The following SHKBP1 variants were observed in gnomAD, a reference collection of about 807,000 sequenced individuals.
The protein encoded by SHKBP1 is SH3KBP1 binding protein 1.
In SHKBP1, 71 loss-of-function variants were observed where a neutral mutation model predicts 83.9. That is an observed-to-expected ratio of 0.85 (90% CI 0.70 to 1.03). SHKBP1 has a LOEUF of 1.03. Among genes scored for constraint, SHKBP1 ranks in the 50% least tolerant of loss-of-function variants. SHKBP1 has a pLI of 0.00. For synonymous variants in SHKBP1, 371 were observed against 398.0 expected (o/e 0.93, Z 0.81); for missense variants, 824 against 982.4 (o/e 0.84, Z 2.16).
Position 40,590,829 on chromosome 19 carries a change from C to G in SHKBP1, c.1868C>G (p.Pro623Arg), listed in dbSNP as rs1345676321. ...SAPSWGCLPS[P>R]SPRISLTSLH... ...CCCTCATGGGGCTGTCTCCCCAGCC[C>G]CTCACCCCGCATCTCCCTCACCAGG... The change falls in exon 17 of 18, where the codon CCC (proline) becomes CGC (arginine). Residue 623 changes from proline to arginine, a missense_variant. Around this residue, in one of 3 missense-constraint regions of SHKBP1, gnomAD observed 287 missense variants for 322.9 expected, o/e 0.89. Coordinates refer to ENST00000291842, the MANE Select transcript of SHKBP1 (RefSeq NM_138392.4). The surrounding 1 kb of genome is among the most constrained non-coding windows in gnomAD (Gnocchi z 4.6). The G allele has an allele frequency of 6.3e-7, 1 of 1,590,348 alleles. No homozygotes were observed.
rs10408716 is a variant in SHKBP1, at chr19:40,585,262, C to T, written c.1166-1512C>T. Among the ~76,000 whole-genome samples the T allele has an allele frequency of 4.3e-3, 652 of 152,220 alleles. 4 individuals carry two copies. The highest frequency in any genetic ancestry group is 0.015 in the African/African-American group (634 of 41,526). On this transcript the variant is annotated intron_variant, in intron 12 of 17. Coordinates refer to ENST00000291842, the MANE Select transcript of SHKBP1 (RefSeq NM_138392.4). Reference sequence around the variant, plus strand: ...GCAGAACCACAGGCATGCATCACCACACCTGTCTAATTTTTGTATTTTTTT... The same window carrying T: ...GCAGAACCACAGGCATGCATCACCATACCTGTCTAATTTTTGTATTTTTTT...
intron 12 of SHKBP1, among the ~76,000 whole-genome samples, chr19:40,585,121 A>G (rs1001791352): frequency 1.5e-4 from 22 of 151,184 alleles, no homozygotes; most frequent in African/African-American, 5.3e-4. Flanking sequence ...TTTAAAAAAA[A>G]ATAGAGACAG....
chr19:40,589,394 G>A (rs76000727), intron 15 of SHKBP1, among the ~76,000 whole-genome samples: 8,645 of 146,916 alleles, frequency 0.059, 388 homozygotes, highest in Middle Eastern at 0.13. Context: ...CTGACCTGGC[G>A]CAGTGCCAGC....
chr19:40,586,607 T>C, intron 12 of SHKBP1, 167 bp from the exon 13 acceptor site: 1 of 569,084 alleles, frequency 1.8e-6, no homozygotes, highest in Non-Finnish European at 2.7e-6. Context: ...CCTCAAGCGA[T>C]CCACCCGCCT....
chr19:40,591,368 C>A lies in SHKBP1; in HGVS notation c.*161C>A. On this transcript the variant is annotated 3_prime_UTR_variant, in exon 18 of 18. Coordinates refer to ENST00000291842, the MANE Select transcript of SHKBP1 (RefSeq NM_138392.4). ...TTCCCTCTTTTCTGGAAGCCAAAGT[C>A]ACCCTCCCCAATAAAGTCCTCACTG... is the stretch of plus-strand genomic sequence containing the variant. The A allele has an allele frequency of 3.3e-6, 2 of 607,044 alleles. No homozygotes were observed. Among genetic ancestry groups the A allele is most frequent in the Non-Finnish European group, 2.7e-6 (1 of 369,554 alleles). 37.6% of individuals were successfully genotyped at this position (607,044 alleles called of 1,614,324 possible). A position where few individuals can be genotyped will look rare whatever the true frequency, so the allele number is the denominator to read the frequency against.
At chr19:40,577,076 A>C (rs906315928) in intron 1 of SHKBP1, 91 bp downstream of exon 1, 5 of 1,205,364 alleles carry the variant, frequency 4.1e-6, no homozygotes, top group Non-Finnish European at 4.6e-6. Context: ...CTGTCCATCA[A>C]GGGTTGCTCC....
In SHKBP1 at chr19:40,586,855, T is replaced by G. The variant is rs750207030; in HGVS notation, c.1247T>G (p.Val416Gly). 29 of 1,612,976 alleles carry G rather than the reference T, an allele frequency of 1.8e-5. 3 individuals are homozygous for G. Residue 416 changes from valine (V) to glycine (G), a missense_variant, in exon 13 of 18, where the codon GTG becomes GGG. By Grantham distance (109) the Val-to-Gly change is moderately radical. Around this residue, in one of 3 missense-constraint regions of SHKBP1, gnomAD observed 182 missense variants for 273.1 expected, o/e 0.67. Coordinates refer to ENST00000291842, the MANE Select transcript of SHKBP1 (RefSeq NM_138392.4). ...VRVIVQHPET[V>G]GSGPQLFQTF... is the part of the protein sequence containing the mutation. ...GTCATCGTGCAGCACCCGGAGACTG[T>G]GGGCTCGGGGCCTCAGCTCTTCCAG...
chr19:40,587,204 A>G (rs561668696), intron 13 of SHKBP1, among the ~76,000 whole-genome samples: 18 of 152,322 alleles, frequency 1.2e-4, no homozygotes, highest in East Asian at 7.7e-4. Flanking sequence ...TGTGCCAGGC[A>G]TAGGGGATAC....
In SHKBP1 at chr19:40,591,060, TGGG is replaced by T. The variant is rs777537930; in HGVS notation, c.1980_1982del (p.Gly661del). 1 of 1,612,878 alleles carries T rather than the reference TGGG, an allele frequency of 6.2e-7. No homozygotes were observed. The highest frequency in any genetic ancestry group is 2.2e-5 in the East Asian group (1 of 44,834). On this transcript the variant is annotated inframe_deletion, in exon 18 of 18. Coordinates refer to ENST00000291842, the MANE Select transcript of SHKBP1 (RefSeq NM_138392.4). Reference sequence around the variant, plus strand: ...CGCAGGCTGAGGCCCGGCGCCGTGGTGGGGGCAGCTTTGTGGAACGCTGCCAGG... The same window carrying T: ...CGCAGGCTGAGGCCCGGCGCCGTGGTGGCAGCTTTGTGGAACGCTGCCAGG...
At chr19:40,588,300 G>A (rs1033700780) in intron 13 of SHKBP1, among the ~76,000 whole-genome samples, 5 of 152,292 alleles carry the variant, frequency 3.3e-5, no homozygotes, top group African/African-American at 9.6e-5. Flanking sequence ...CTGGCTGCCC[G>A]TGGGAGCACA....
chr19:40,590,335 C>G lies in SHKBP1; in HGVS notation c.1681C>G (p.Arg561Gly), dbSNP rs373471246. Residue 561 changes from arginine (R) to glycine (G), a missense_variant, in exon 16 of 18, where the codon CGG (arginine) becomes GGG (glycine). Around this residue, in one of 3 missense-constraint regions of SHKBP1, gnomAD observed 287 missense variants for 322.9 expected, o/e 0.89. Transcript: ENST00000291842. This position sits in a 1 kb window ranked among gnomAD's most constrained non-coding sequence, Gnocchi z 4.6. ...CTCCCGGCGGCTCGGCTCTCGGCCC[C>G]GGCGCTACCTGCTCACTGGCCAGGC... ...EGSRRLGSRP[R>G]RYLLTGQANG... 6.2e-6 allele frequency: 10 copies of G among 1,611,512 alleles called. No individual in the cohort carries two copies. In the African/African-American group the frequency reaches 1.2e-4, roughly 19 times the overall value.
intron 10 of SHKBP1, among the ~76,000 whole-genome samples, chr19:40,583,151 A>G (rs992268934): frequency 9.9e-5 from 15 of 152,146 alleles, no homozygotes; most frequent in Non-Finnish European, 4.4e-5. Flanking sequence ...TCTACAAAAA[A>G]TTTAAAAAAT....
At chr19:40,588,866 T>C in intron 14 of SHKBP1, 87 bp downstream of exon 14, 1 of 1,528,518 alleles carries the variant, frequency 6.5e-7, no homozygotes, top group South Asian at 1.2e-5. Flanking sequence ...TGCGGCCACC[T>C]GACCCAGGAG....
intron 1 of SHKBP1, 42 bp downstream of exon 1, chr19:40,577,027 G>A: frequency 7.2e-7 from 1 of 1,383,670 alleles, no homozygotes. Flanking sequence ...TCGGGGGCGG[G>A]AAGCGGGGTG....
At chr19:40,577,740 A>G in intron 4 of SHKBP1, 110 bp downstream of exon 4, 1 of 1,380,688 alleles carries the variant, frequency 7.2e-7, no homozygotes, top group Non-Finnish European at 1.0e-6. Context: ...ATTCTCATTC[A>G]GAACCTTGAT....
chr19:40,581,956 T>C (rs374323484), intron 9 of SHKBP1, among the ~76,000 whole-genome samples: 36 of 151,966 alleles, frequency 2.4e-4, no homozygotes, highest in African/African-American at 8.2e-4. Context: ...AGTCATTCTC[T>C]GTTGCCCAGA....
chr19:40,586,925 G>T lies in SHKBP1; in HGVS notation c.1317G>T (p.Ser439=). 6.2e-7 allele frequency: 1 copy of T among 1,604,222 alleles called. No homozygotes were observed. The highest frequency in any genetic ancestry group is 8.5e-7 in the Non-Finnish European group (1 of 1,172,918). ...GCCCTGTCACCAAGATCATGCTGTC[G>T]GAGAAGCACCTCATCTCAGGTGAGC... ...HRSPVTKIML[S]EKHLISVCAD... Residue 439 remains serine (S), a synonymous_variant, in exon 13 of 18, where the codon TCG becomes TCT. Coordinates refer to ENST00000291842, the MANE Select transcript of SHKBP1 (RefSeq NM_138392.4).
rs1468433975 is a variant in SHKBP1, at chr19:40,577,216, AC to A, written c.87-13del. ...TCCTCTTCATCTCTTGCGTCCGTTT[AC>A]CTTCCCCGCCCAGATTCAGTACCTC... On this transcript the variant is annotated splice_polypyrimidine_tract_variant and intron_variant, in intron 1 of 17. Transcript: ENST00000291842. 1.2e-6 allele frequency: 2 copies of A among 1,612,400 alleles called. No individual in the cohort carries two copies. The highest frequency in any genetic ancestry group is 1.7e-6 in the Non-Finnish European group (2 of 1,179,792).
chr19:40,578,641 G>GATACAGT (rs770832536), intron 6 of SHKBP1, 99 bp downstream of exon 6: 48 of 1,036,200 alleles, frequency 4.6e-5, no homozygotes, highest in Non-Finnish European at 7.1e-5. Context: ...TGCGTCCTGA[G>GATACAGT]ATACAGTGGG....
Sources: gnomAD v4.1 joint callset for allele counts (sites outside exome capture counted in the v4.1 genomes callset) on GRCh38, gnomAD v4.1.1 for gene constraint, gnomAD v4.1.1 regional missense constraint, Gnocchi (gnomAD v3.1) non-coding constraint, MANE v1.5 for transcripts, NCBI Gene and HGNC (gene_info 2026-07-23, HGNC 2026-07-21) for gene names.